Variants in SH3GLB1 observed in about 807,000 individuals in gnomAD.
SH3GLB1 encodes endophilin-B1.
SH3GLB1 carries 17 observed loss-of-function variants against 42.0 expected under a neutral mutation model. The ratio of observed to expected loss-of-function variants is 0.40; its 90% CI spans 0.28 to 0.61. The LOEUF (loss-of-function observed/expected upper bound fraction) is 0.61, where lower values mean the gene tolerates loss of function less well. Among genes scored for constraint, SH3GLB1 ranks in the 20% least tolerant of loss-of-function variants. The pLI is 0.36. For missense variants in SH3GLB1, 355 were observed against 426.3 expected (o/e 0.83, Z 1.47); for synonymous variants, 132 against 146.6 (o/e 0.90, Z 0.72).
intron 7 of SH3GLB1, among the ~76,000 whole-genome samples, chr1:86,739,662 T>C (rs930713651): frequency 1.3e-5 from 2 of 152,136 alleles, no homozygotes; most frequent in African/African-American, 4.8e-5. Flanking sequence ...AATTTTTTGC[T>C]TGTTTTTTAA....
At chr1:86,723,365 T>G (rs893288291) in intron 4 of SH3GLB1, among the ~76,000 whole-genome samples, 2 of 151,842 alleles carry the variant, frequency 1.3e-5, no homozygotes, top group African/African-American at 4.8e-5. Flanking sequence ...TACAAAAAAA[T>G]TAGCTGGGCA....
chr1:86,742,042 A>G (rs1330061728), intron 7 of SH3GLB1, among the ~76,000 whole-genome samples, 166 bp from the exon 8 acceptor site: 1 of 152,196 alleles, frequency 6.6e-6, no homozygotes, highest in African/African-American at 2.4e-5. Flanking sequence ...TAATTGGCCC[A>G]AGAGGGAAAA....
intron 1 of SH3GLB1, among the ~76,000 whole-genome samples, chr1:86,705,505 C>G (rs1450808971): frequency 1.3e-5 from 2 of 152,160 alleles, no homozygotes; most frequent in Non-Finnish European, 2.9e-5. Flanking sequence ...TGGCAGCCCG[C>G]GGGGGAAATG....
chr1:86,716,894 A>G (rs574242985), intron 2 of SH3GLB1, among the ~76,000 whole-genome samples: 1 of 152,344 alleles, frequency 6.6e-6, no homozygotes, highest in African/African-American at 2.4e-5. Context: ...GATATGACAT[A>G]TGCTTACTTT....
intron 3 of SH3GLB1, among the ~76,000 whole-genome samples, chr1:86,721,233 G>A (rs993498331): frequency 6.6e-6 from 1 of 152,094 alleles, no homozygotes; most frequent in Non-Finnish European, 1.5e-5. Context: ...TAAAAATTGA[G>A]TATCACAGGC....
At chr1:86,718,285 G>T (rs948226233) in intron 2 of SH3GLB1, among the ~76,000 whole-genome samples, 1 of 151,722 alleles carries the variant, frequency 6.6e-6, no homozygotes, top group African/African-American at 2.4e-5. Flanking sequence ...ACATCAAGTG[G>T]TCTACCTGCC....
intron 7 of SH3GLB1, 61 bp downstream of exon 7, chr1:86,735,240 A>C: frequency 9.2e-6 from 10 of 1,087,682 alleles, no homozygotes; most frequent in Non-Finnish European, 1.3e-5. Flanking sequence ...ATGAACTAAT[A>C]CTAAGGATGA....
intron 5 of SH3GLB1, among the ~76,000 whole-genome samples, chr1:86,731,459 CT>C (rs1462850693): frequency 6.6e-6 from 1 of 152,146 alleles, no homozygotes; most frequent in Non-Finnish European, 1.5e-5. Context: ...CTTTGTGAGT[CT>C]GTTCATCAGT....
chr1:86,722,567 C>T lies in SH3GLB1; in HGVS notation c.371C>T (p.Thr124Ile). The change falls in exon 4 of 9, where the codon ACC becomes ATC. Residue 124 changes from threonine to isoleucine, a missense_variant. Coordinates refer to ENST00000370558, the MANE Select transcript of SH3GLB1 (RefSeq NM_016009.5). ...AATGCCCTTATTAAATGTGGAGAAACCCAAAAAAGAATTGGAACAGCAGAC... is the reference window on the plus strand; with the variant it reads ...AATGCCCTTATTAAATGTGGAGAAATCCAAAAAAGAATTGGAACAGCAGAC... ...YGNALIKCGE[T>I]QKRIGTADRE... is the part of the protein sequence containing the mutation. 6.3e-7 allele frequency: 1 copy of T among 1,599,060 alleles called. No homozygotes were observed. Among genetic ancestry groups the T allele is most frequent in the Non-Finnish European group, 8.5e-7 (1 of 1,174,146 alleles).
rs1364967279 is a variant in SH3GLB1 at position 86,747,967 on chromosome 1, T to C, written c.*4732T>C. 2 of 152,158 alleles carry C rather than the reference T, an allele frequency of 1.3e-5. No individual in the cohort carries two copies. The highest frequency in any genetic ancestry group is 4.8e-5 in the African/African-American group (2 of 41,426). 9.4% of individuals were successfully genotyped at this position (152,158 alleles called of 1,614,324 possible). On this transcript the variant is annotated 3_prime_UTR_variant, in exon 9 of 9. Coordinates refer to ENST00000370558, the MANE Select transcript of SH3GLB1 (RefSeq NM_016009.5). ...ATTTAAGTATATGGCCTTCCAGACT[T>C]TTCTGTGCATTTATAGATATTTTTA...
chr1:86,706,188 G>A (rs992818120), intron 1 of SH3GLB1, among the ~76,000 whole-genome samples: 10 of 152,208 alleles, frequency 6.6e-5, no homozygotes, highest in Non-Finnish European at 1.3e-4. Flanking sequence ...TAAGAAACTT[G>A]CACAACTAGT....
intron 1 of SH3GLB1, among the ~76,000 whole-genome samples, chr1:86,713,018 T>C (rs1170763259): frequency 6.6e-6 from 1 of 152,190 alleles, no homozygotes; most frequent in African/African-American, 2.4e-5. Flanking sequence ...AAGTGTTTTA[T>C]TTTCCAAATA....
At chr1:86,735,338 CAG>C (rs1458902872) in intron 7 of SH3GLB1, among the ~76,000 whole-genome samples, 159 bp downstream of exon 7, 6 of 151,926 alleles carry the variant, frequency 3.9e-5, no homozygotes, top group African/African-American at 1.2e-4. Flanking sequence ...TCTGAGGTAA[CAG>C]AATATTTTGA....
rs1653738939 is a variant in SH3GLB1, at chr1:86,704,962, C to A, written c.63C>A (p.Arg21=). The change falls in exon 1 of 9, where the codon CGC becomes CGA. Residue 21 remains arginine (R), a synonymous_variant. Transcript: ENST00000370558. ...LAADAGTFLS[R]AVQFTEEKLG... is the part of the protein sequence containing the mutation. ...CCGACGCAGGCACCTTCCTCAGTCG[C>A]GCCGTGCAGGTACCCTGGTGCTGGG... 2 of 1,579,878 alleles carry A rather than the reference C, an allele frequency of 1.3e-6. No homozygotes were observed. Among genetic ancestry groups the A allele is most frequent in the Non-Finnish European group, 1.7e-6 (2 of 1,165,268 alleles).
chr1:86,731,720 C>G (rs1243077421), intron 5 of SH3GLB1, among the ~76,000 whole-genome samples: 1 of 152,016 alleles, frequency 6.6e-6, no homozygotes, highest in Non-Finnish European at 1.5e-5. Flanking sequence ...CTAAAGAAAC[C>G]TATCAAAATG....
chr1:86,724,111 A>T (rs1012817797), intron 4 of SH3GLB1, among the ~76,000 whole-genome samples: 1 of 144,932 alleles, frequency 6.9e-6, no homozygotes, highest in African/African-American at 2.6e-5. Flanking sequence ...CAATGTTTCA[A>T]TTATTTATTT....
rs1656231377 is a variant in SH3GLB1 at position 86,744,970 on chromosome 1, C to T, written c.*1735C>T. The T allele has an allele frequency of 6.6e-6, 1 of 152,180 alleles. No individual in the cohort carries two copies. Among genetic ancestry groups the T allele is most frequent in the African/African-American group, 2.4e-5 (1 of 41,438 alleles). 9.4% of individuals were successfully genotyped at this position (152,180 alleles called of 1,614,324 possible). ...AAACCAAGTAAATGAAATTTTCTCT[C>T]CCCTCAGAAAGGAAGTTCTACAGCC... On this transcript the variant is annotated 3_prime_UTR_variant, in exon 9 of 9. Coordinates refer to ENST00000370558, the MANE Select transcript of SH3GLB1 (RefSeq NM_016009.5).
At chr1:86,718,573 T>A (rs1375980881) in intron 2 of SH3GLB1, among the ~76,000 whole-genome samples, 1 of 152,228 alleles carries the variant, frequency 6.6e-6, no homozygotes, top group African/African-American at 2.4e-5. Flanking sequence ...GCTCATTTTT[T>A]AAATTTTCAG....
intron 1 of SH3GLB1, among the ~76,000 whole-genome samples, chr1:86,714,935 C>T (rs1213810715): frequency 2.0e-5 from 3 of 152,118 alleles, no homozygotes; most frequent in Non-Finnish European, 4.4e-5. Flanking sequence ...TCTCAAATAC[C>T]AGTATATTCA....
Sources: gnomAD v4.1 joint callset for allele counts (sites outside exome capture counted in the v4.1 genomes callset) on GRCh38, gnomAD v4.1.1 for gene constraint, MANE v1.5 for transcripts, NCBI Gene and HGNC (gene_info 2026-07-23, HGNC 2026-07-21) for gene names.